The following SOX5 variants were observed in gnomAD, a reference collection of about 807,000 sequenced individuals.
SOX5 encodes the protein transcription factor SOX-5.
In SOX5, 9 loss-of-function variants were observed where a neutral mutation model predicts 92.0. That is an observed-to-expected ratio of 0.10 (90% CI 0.06 to 0.17). The LOEUF is 0.17. Ranked by LOEUF, SOX5 falls within the 10% of genes least tolerant of loss-of-function variation. The probability of loss-of-function intolerance (pLI) is 1.00; values close to 1 mark genes in which losing one functional copy is unlikely to be tolerated. For missense variants in SOX5, 642 were observed against 944.5 expected (o/e 0.68, Z 4.20); for synonymous variants, 344 against 336.3 (o/e 1.02, Z -0.25).
At chr12:24,056,094 C>T (rs1958068201) in intron 4 of SOX5, among the ~76,000 whole-genome samples, 1 of 152,172 alleles carries the variant, frequency 6.6e-6, no homozygotes, top group Admixed American at 6.5e-5. Context: ...GGGTTAAACA[C>T]TGAATTCAAG....
chr12:23,834,135 T>C (rs2096375339), intron 3 of SOX5, among the ~76,000 whole-genome samples: 1 of 151,888 alleles, frequency 6.6e-6, no homozygotes, highest in African/African-American at 2.4e-5. Context: ...GATCATTGAG[T>C]CTTAAGAAGT....
At chr12:24,066,591 A>T (rs1041825044) in intron 4 of SOX5, among the ~76,000 whole-genome samples, 1 of 152,308 alleles carries the variant, frequency 6.6e-6, no homozygotes, top group South Asian at 2.1e-4. Context: ...GTAAATAACT[A>T]AAGAGTTATT....
rs534076911 is a variant in SOX5 at position 24,319,434 on chromosome 12, G to A, written c.-173-42122C>T. Among the ~76,000 whole-genome samples the A allele has an allele frequency of 2.0e-5, 3 of 152,214 alleles. No individual in the cohort carries two copies. In the East Asian group the frequency reaches 5.8e-4, roughly 29 times the overall value. ...CCTATTTTTCGAAGCCAGAAAGCTGGGAGTCATCTTGGATTCTACTTCTCC... is the reference window on the plus strand; with the variant it reads ...CCTATTTTTCGAAGCCAGAAAGCTGAGAGTCATCTTGGATTCTACTTCTCC... On this transcript the variant is annotated intron_variant, in intron 2 of 4. Transcript: ENST00000446891.
chr12:23,721,304 C>T (rs988774264), intron 6 of SOX5, among the ~76,000 whole-genome samples: 17 of 152,112 alleles, frequency 1.1e-4, no homozygotes, highest in Admixed American at 3.3e-4. Context: ...AGGCTGGTCT[C>T]GAACTCCCGA....
chr12:24,067,511 T>C (rs978085386), intron 4 of SOX5, among the ~76,000 whole-genome samples: 5 of 152,098 alleles, frequency 3.3e-5, no homozygotes, highest in African/African-American at 1.2e-4. Context: ...GTTAGAATGA[T>C]TGCAGATAAT....
At chr12:24,312,228 C>G (rs1221410796) in intron 2 of SOX5, among the ~76,000 whole-genome samples, 2 of 152,156 alleles carry the variant, frequency 1.3e-5, no homozygotes, top group Non-Finnish European at 2.9e-5. Context: ...TTAATCTAAA[C>G]TTTTTTTGTA....
intron 1 of SOX5, among the ~76,000 whole-genome samples, chr12:24,560,027 T>A (rs1404588521): frequency 2.0e-5 from 3 of 152,166 alleles, no homozygotes; most frequent in Non-Finnish European, 4.4e-5. Context: ...TTTTCCTGTA[T>A]TAAGAGTTTA....
At chr12:23,704,332 G>A (rs1177771935) in intron 6 of SOX5, among the ~76,000 whole-genome samples, 1 of 151,658 alleles carries the variant, frequency 6.6e-6, no homozygotes, top group Non-Finnish European at 1.5e-5. Context: ...AAAATTAAAA[G>A]AATTGAAAAA....
chr12:24,097,353 C>G (rs1405073493), intron 4 of SOX5, among the ~76,000 whole-genome samples: 1 of 152,084 alleles, frequency 6.6e-6, no homozygotes, highest in East Asian at 1.9e-4. Flanking sequence ...TCCTTTGCAG[C>G]ATAAACATTT....
chr12:23,669,874 A>G (rs1309669743), intron 6 of SOX5, among the ~76,000 whole-genome samples: 2 of 152,096 alleles, frequency 1.3e-5, no homozygotes, highest in Non-Finnish European at 2.9e-5. Context: ...TTATTTTTCC[A>G]GCAGATGGAC....
At chr12:23,947,253 G>C (rs536107327) in intron 1 of SOX5, among the ~76,000 whole-genome samples, 1 of 152,004 alleles carries the variant, frequency 6.6e-6, no homozygotes, top group African/African-American at 2.4e-5. Flanking sequence ...CTAAGTTTAA[G>C]TGGGAAATTC....
chr12:24,312,627 A>T (rs1949296111), intron 2 of SOX5, among the ~76,000 whole-genome samples: 3 of 152,228 alleles, frequency 2.0e-5, no homozygotes, highest in Admixed American at 2.0e-4. Context: ...AATACTCTTT[A>T]TCTACAATTA....
At chr12:23,899,600 T>A (rs1395513860) in intron 1 of SOX5, among the ~76,000 whole-genome samples, 1 of 152,142 alleles carries the variant, frequency 6.6e-6, no homozygotes, top group Non-Finnish European at 1.5e-5. Context: ...AACTCAGACT[T>A]CAAAGAAACT....
intron 4 of SOX5, among the ~76,000 whole-genome samples, chr12:24,109,996 T>A (rs1235273172): frequency 6.6e-6 from 1 of 152,178 alleles, no homozygotes; most frequent in Non-Finnish European, 1.5e-5. Context: ...AGAATAATGA[T>A]GAGGTTTCAA....
chr12:24,278,863 C>G (rs1433344927), intron 2 of SOX5, among the ~76,000 whole-genome samples: 1 of 136,978 alleles, frequency 7.3e-6, no homozygotes, highest in East Asian at 2.2e-4. Context: ...AGAAAAAATA[C>G]CACAAACTCC....
intron 4 of SOX5, among the ~76,000 whole-genome samples, chr12:24,050,844 CTTATTA>C (rs746571139): frequency 1.3e-5 from 2 of 151,378 alleles, no homozygotes; most frequent in South Asian, 2.1e-4. Flanking sequence ...TCTTCTTCTT[CTTATTA>C]TTATTATTAT....
At chr12:24,431,824 G>A (rs1938392447) in intron 1 of SOX5, among the ~76,000 whole-genome samples, 1 of 152,126 alleles carries the variant, frequency 6.6e-6, no homozygotes, top group Admixed American at 6.6e-5. Flanking sequence ...CAAGAATTAA[G>A]GTATCTTGGT....
At chr12:24,210,406 G>A (rs1338929654) in intron 4 of SOX5, among the ~76,000 whole-genome samples, 1 of 152,188 alleles carries the variant, frequency 6.6e-6, no homozygotes, top group East Asian at 1.9e-4. Flanking sequence ...AAATTGATTT[G>A]TTTCAACTAC....
chr12:24,026,949 G>GT (rs1176345953), intron 4 of SOX5, among the ~76,000 whole-genome samples: 1 of 151,990 alleles, frequency 6.6e-6, no homozygotes, highest in Non-Finnish European at 1.5e-5. Context: ...AGAAAGCTTT[G>GT]TATCATATTG....
Sources: allele counts gnomAD v4.1 joint callset (sites outside exome capture counted in the v4.1 genomes callset), GRCh38; gene constraint gnomAD v4.1.1; transcripts MANE v1.5; gene names NCBI Gene and HGNC (gene_info 2026-07-23, HGNC 2026-07-21).